The following EGF variants were observed in gnomAD, a reference collection of about 807,000 sequenced individuals.
EGF encodes pro-epidermal growth factor.
A neutral mutation model predicts 143.8 loss-of-function variants in EGF; 95 were observed. The observed-to-expected ratio is 0.66, with a 90% confidence interval of 0.56 to 0.78. The LOEUF (loss-of-function observed/expected upper bound fraction) is 0.78, where lower values mean the gene tolerates loss of function less well. Ranked by LOEUF, EGF falls within the 30% of genes least tolerant of loss-of-function variation. EGF has a pLI of 0.00. For synonymous variants in EGF, 510 were observed against 510.5 expected (o/e 1.00, Z 0.01); for missense variants, 1,320 against 1,470.9 (o/e 0.90, Z 1.68).
At position 109,959,407 on chromosome 4, in the gene EGF, G is replaced by A. The variant is rs776095220; in HGVS notation, c.1036G>A (p.Ala346Thr). ...SHLCMCAEGY[A>T]LSRDRKYCED... ...CTTGTGCATGTGTGCAGAGGGATAC[G>A]CCCTAAGTCGAGACCGGAAGTACTG... is the stretch of plus-strand genomic sequence containing the variant. Residue 346 changes from alanine (A) to threonine (T), a missense_variant, in exon 6 of 24, where the codon GCC becomes ACC. This residue lies in a region of EGF where 1,186 missense variants were observed against 1,313.7 expected (regional missense o/e 0.90). Transcript: ENST00000265171. The A allele has an allele frequency of 8.7e-6, 14 of 1,612,884 alleles. No homozygotes were observed. The highest frequency in any genetic ancestry group is 1.2e-5 in the Non-Finnish European group (14 of 1,179,868).
intron 1 of EGF, among the ~76,000 whole-genome samples, chr4:109,933,258 G>C (rs1740118046): frequency 6.6e-6 from 1 of 152,166 alleles, no homozygotes; most frequent in South Asian, 2.1e-4. Flanking sequence ...TACAACTGCA[G>C]TGGAGCATGG....
rs138528000 is a variant in EGF, at chr4:109,999,776, G to C, written c.3103G>C (p.Val1035Leu). The part of the protein sequence containing the change: ...AGHGQQQKVI[V>L]VAVCVVVLVM... ...CCACGGGCAGCAGCAGAAGGTCATCGTGGTGGCTGTCTGCGTGGTGGTGCT... is the reference window on the plus strand; with the variant it reads ...CCACGGGCAGCAGCAGAAGGTCATCCTGGTGGCTGTCTGCGTGGTGGTGCT... The change falls in exon 21 of 24, where the codon GTG becomes CTG. Residue 1035 changes from valine to leucine, a missense_variant. This residue lies in a region of EGF where 1,186 missense variants were observed against 1,313.7 expected (regional missense o/e 0.90). Coordinates refer to ENST00000265171, the MANE Select transcript of EGF (RefSeq NM_001963.6). 6.2e-7 allele frequency: 1 copy of C among 1,614,088 alleles called. No homozygotes were observed. Among genetic ancestry groups the C allele is most frequent in the South Asian group, 1.1e-5 (1 of 91,074 alleles).
intron 16 of EGF, among the ~76,000 whole-genome samples, chr4:109,986,851 A>C (rs1464241852): frequency 6.6e-6 from 1 of 152,164 alleles, no homozygotes; most frequent in Non-Finnish European, 1.5e-5. Context: ...CATTTACTGC[A>C]CTTAACTTGT....
chr4:109,947,882 T>C (rs1743111614), intron 5 of EGF, among the ~76,000 whole-genome samples: 1 of 152,224 alleles, frequency 6.6e-6, no homozygotes, highest in Non-Finnish European at 1.5e-5. Context: ...ATAATTGTAC[T>C]TAATTCATCA....
chr4:110,002,389 A>T (rs552491437), intron 21 of EGF, among the ~76,000 whole-genome samples: 2 of 152,260 alleles, frequency 1.3e-5, no homozygotes, highest in South Asian at 4.2e-4. Flanking sequence ...CCTACTTGGG[A>T]GGCTAAGGTG....
In EGF at chr4:109,980,826, G is replaced by A. The variant is rs751611229; in HGVS notation, c.2222G>A (p.Gly741Glu). 3 of 1,613,934 alleles carry A rather than the reference G, an allele frequency of 1.9e-6. No individual in the cohort carries two copies. The highest frequency in any genetic ancestry group is 2.5e-6 in the Non-Finnish European group (3 of 1,179,904). The part of the protein sequence containing the change: ...LVVVHPLAKP[G>E]ADPCLYQNGG... Reference sequence around the variant, plus strand: ...TGAATTTGTTTCTTTTCTCTACTAGGAGCAGATCCCTGCTTATATCAAAAC... The same window carrying A: ...TGAATTTGTTTCTTTTCTCTACTAGAAGCAGATCCCTGCTTATATCAAAAC... The change falls in exon 15 of 24, where the codon GGA (glycine) becomes GAA (glutamate). Residue 741 changes from glycine to glutamate, a missense_variant and splice_region_variant. Coordinates refer to ENST00000265171, the MANE Select transcript of EGF (RefSeq NM_001963.6).
Position 109,922,123 on chromosome 4 carries a change from T to G in EGF, c.127+8661T>G, listed in dbSNP as rs561768620. ...TGTGCAAGGAAATTGCAAAGGTTATTGTCATTAATGTTAATTTACCCACTA... is the reference window on the plus strand; with the variant it reads ...TGTGCAAGGAAATTGCAAAGGTTATGGTCATTAATGTTAATTTACCCACTA... On this transcript the variant is annotated intron_variant, in intron 1 of 23. Transcript: ENST00000265171. 2.6e-4 allele frequency among the ~76,000 whole-genome samples: 39 copies of G among 151,746 alleles called. 1 individual carries two copies. The highest frequency in any genetic ancestry group is 9.3e-4 in the African/African-American group (38 of 41,016).
At chr4:109,940,814 A>T in intron 1 of EGF, 132 bp from the exon 2 acceptor site, 2 of 910,800 alleles carry the variant, frequency 2.2e-6, no homozygotes, top group Non-Finnish European at 1.7e-6. Flanking sequence ...GTCTATAAAT[A>T]GACTTTATTT....
intron 5 of EGF, among the ~76,000 whole-genome samples, chr4:109,957,032 C>T (rs1744899054): frequency 6.6e-6 from 1 of 152,124 alleles, no homozygotes; most frequent in Non-Finnish European, 1.5e-5. Context: ...AAATCAGAAT[C>T]TCTAGAGGGT....
intron 4 of EGF, 37 bp downstream of exon 4, chr4:109,944,106 C>T (rs1465992226): frequency 5.7e-6 from 9 of 1,582,928 alleles, no homozygotes; most frequent in Non-Finnish European, 6.1e-6. Flanking sequence ...AAACAATTGT[C>T]ATTTGAAGTC....
chr4:109,918,729 AG>A (rs1017712755), intron 1 of EGF, among the ~76,000 whole-genome samples: 60 of 152,274 alleles, frequency 3.9e-4, no homozygotes, highest in African/African-American at 1.4e-3. Context: ...ATGAGCTGTG[AG>A]GGGACAGACT....
intron 5 of EGF, among the ~76,000 whole-genome samples, chr4:109,953,695 A>G (rs906532378): frequency 6.6e-6 from 1 of 152,028 alleles, no homozygotes; most frequent in Non-Finnish European, 1.5e-5. Context: ...CCTGACCTGG[A>G]GTTTCTAGTC....
chr4:109,944,923 A>T, intron 4 of EGF, 150 bp from the exon 5 acceptor site: 1 of 808,468 alleles, frequency 1.2e-6, no homozygotes, highest in South Asian at 1.7e-5. Flanking sequence ...ATAAAATTTT[A>T]AACTTAATAT....
chr4:109,977,960 T>C (rs907815429), intron 13 of EGF, among the ~76,000 whole-genome samples: 4 of 152,236 alleles, frequency 2.6e-5, no homozygotes, highest in African/African-American at 7.2e-5. Flanking sequence ...TATTTTAAAC[T>C]AAAAAGCATA....
chr4:110,004,126 G>A (rs1752919817), intron 21 of EGF: 1 of 345,442 alleles, frequency 2.9e-6, no homozygotes, highest in African/African-American at 2.1e-5. Context: ...ATCAGTACTA[G>A]GACAGTGCCT....
In EGF at chr4:109,961,803, G is replaced by T. The variant is rs11568939; in HGVS notation, c.1190-60G>T. On this transcript the variant is annotated intron_variant, in intron 7 of 23. Transcript: ENST00000265171. Reference sequence around the variant, plus strand: ...CACCTGGCAATATTAGCAACTGATTGCAATAAATTTTTGCAAACCCGATTT... The same window carrying T: ...CACCTGGCAATATTAGCAACTGATTTCAATAAATTTTTGCAAACCCGATTT... 2.6e-3 allele frequency: 4,136 copies of T among 1,605,198 alleles called. 11 individuals are homozygous for T. The highest frequency in any genetic ancestry group is 3.1e-3 in the Non-Finnish European group (3,606 of 1,174,534).
chr4:109,972,236 T>C (rs1417069906), intron 11 of EGF, among the ~76,000 whole-genome samples: 1 of 152,166 alleles, frequency 6.6e-6, no homozygotes, highest in Non-Finnish European at 1.5e-5. Flanking sequence ...TGGTCTTTGG[T>C]TTCTCACTAC....
chr4:109,916,898 C>G (rs1037778763), intron 1 of EGF, among the ~76,000 whole-genome samples: 4 of 152,040 alleles, frequency 2.6e-5, no homozygotes, highest in South Asian at 4.1e-4. Flanking sequence ...AAATTATAGT[C>G]AAAATAATTT....
At chr4:109,993,419 TA>T in intron 19 of EGF, 50 bp downstream of exon 19, 1 of 1,610,138 alleles carries the variant, frequency 6.2e-7, no homozygotes, top group Non-Finnish European at 8.5e-7. Flanking sequence ...GGCTCGGGGA[TA>T]TTCTATACCC....
Sources: allele counts gnomAD v4.1 joint callset (sites outside exome capture counted in the v4.1 genomes callset), GRCh38; gene constraint gnomAD v4.1.1; regional missense constraint gnomAD v4.1.1; transcripts MANE v1.5; gene names NCBI Gene and HGNC (gene_info 2026-07-23, HGNC 2026-07-21).